FEM1C: variants seen among roughly 807,000 people sequenced by gnomAD.
The protein encoded by FEM1C is protein fem-1 homolog C.
FEM1C carries 15 observed loss-of-function variants against 37.6 expected under a neutral mutation model. The observed-to-expected ratio is 0.40, with a 90% CI of 0.27 to 0.61. The LOEUF is 0.61. Among genes scored for constraint, FEM1C ranks in the 20% least tolerant of loss-of-function variants. FEM1C has a pLI of 0.42. For missense variants in FEM1C, 532 were observed against 749.7 expected, an observed-to-expected ratio of 0.71 and a Z score of 3.39; for synonymous variants, 287 against 272.8, an observed-to-expected ratio of 1.05 and a Z score of -0.51.
chr5:115,530,391 A>G (rs1426815263), intron 2 of FEM1C, among the ~76,000 whole-genome samples: 2 of 152,270 alleles, frequency 1.3e-5, no homozygotes, highest in South Asian at 2.1e-4. Flanking sequence ...TAAGTTACGT[A>G]AAGTAAAAAT....
intron 2 of FEM1C, among the ~76,000 whole-genome samples, chr5:115,538,866 T>A (rs1014881713): frequency 6.6e-6 from 1 of 151,940 alleles, no homozygotes; most frequent in Non-Finnish European, 1.5e-5. Flanking sequence ...CACATCCCAA[T>A]AAACTTTCTG....
In FEM1C at chr5:115,521,110, AATG is replaced by A. The variant is rs1289284891; in HGVS notation, c.*3195_*3197del. ...AAAAAAAAGAAAAAGAAAAAAAGAAAATGATGATGACCAATTAGTTTGTTTCCT... is the reference window on the plus strand; with the variant it reads ...AAAAAAAAGAAAAAGAAAAAAAGAAAATGATGACCAATTAGTTTGTTTCCT... On this transcript the variant is annotated 3_prime_UTR_variant, in exon 3 of 3. Transcript: ENST00000274457. 1 of 151,600 alleles carries A rather than the reference AATG, an allele frequency of 6.6e-6. No homozygotes were observed. Among genetic ancestry groups the A allele is most frequent in the Non-Finnish European group, 1.5e-5 (1 of 67,660 alleles). 9.4% of individuals were successfully genotyped at this position (151,600 alleles called of 1,614,324 possible).
chr5:115,524,235 T>C lies in FEM1C; in HGVS notation c.*73A>G, dbSNP rs1753834851. 1.6e-6 allele frequency: 2 copies of C among 1,243,790 alleles called. No homozygotes were observed. The highest frequency in any genetic ancestry group is 2.3e-6 in the Non-Finnish European group (2 of 861,230). 77.0% of individuals were successfully genotyped at this position (1,243,790 alleles called of 1,614,324 possible). On this transcript the variant is annotated 3_prime_UTR_variant, in exon 3 of 3. Coordinates refer to ENST00000274457, the MANE Select transcript of FEM1C (RefSeq NM_020177.3). ...TCAAGCTAAATGAATGCTGGTGTTA[T>C]CACAACAGTGCTCATTTATGAAACA...
intron 2 of FEM1C, among the ~76,000 whole-genome samples, chr5:115,533,034 T>C (rs998837190): frequency 1.3e-5 from 2 of 152,002 alleles, no homozygotes; most frequent in Non-Finnish European, 2.9e-5. Context: ...TTTTATTGCA[T>C]GTAAATAAGT....
intron 2 of FEM1C, among the ~76,000 whole-genome samples, chr5:115,535,842 G>T (rs1754114330): frequency 2.6e-5 from 4 of 151,980 alleles, no homozygotes; most frequent in Admixed American, 2.0e-4. Context: ...ACTGCTGAAT[G>T]AATAAAAGTG....
At chr5:115,527,443 T>G (rs1396828433) in intron 2 of FEM1C, among the ~76,000 whole-genome samples, 1 of 152,190 alleles carries the variant, frequency 6.6e-6, no homozygotes, top group African/African-American at 2.4e-5. Flanking sequence ...AAATAGTGTT[T>G]GATAAAATGT....
rs377714654 is a variant in FEM1C at position 115,525,210 on chromosome 5, T to C, written c.952A>G (p.Met318Val). 12 of 1,613,542 alleles carry C rather than the reference T, an allele frequency of 7.4e-6. No homozygotes were observed. The highest frequency in any genetic ancestry group is 1.0e-5 in the Non-Finnish European group (12 of 1,179,776). Residue 318 changes from methionine to valine, a missense_variant, in exon 3 of 3, where the codon ATG (methionine) becomes GTG (valine). Transcript: ENST00000274457. ...LEGLIADPDE[M>V]RMQALLIRER... is the part of the protein sequence containing the mutation. Reference sequence around the variant, plus strand: ...CTGATTAATAGTGCCTGCATTCTCATCTCATCAGGATCAGCAATAAGACCT... The same window carrying C: ...CTGATTAATAGTGCCTGCATTCTCACCTCATCAGGATCAGCAATAAGACCT...
At chr5:115,527,204 T>C (rs769583032) in intron 2 of FEM1C, among the ~76,000 whole-genome samples, 1 of 152,120 alleles carries the variant, frequency 6.6e-6, no homozygotes. Flanking sequence ...TATGGTGAGT[T>C]ACTTCCAAAT....
At chr5:115,528,401 G>A (rs940139251) in intron 2 of FEM1C, among the ~76,000 whole-genome samples, 4 of 152,104 alleles carry the variant, frequency 2.6e-5, no homozygotes, top group African/African-American at 7.2e-5. Flanking sequence ...GCCTTGCAGG[G>A]ATAGAGGGGA....
intron 2 of FEM1C, 56 bp downstream of exon 2, chr5:115,542,894 C>G (rs1018487346): frequency 1.3e-6 from 2 of 1,560,224 alleles, no homozygotes; most frequent in African/African-American, 2.7e-5. Context: ...AATGATGTAT[C>G]AAACTTCCTG....
Position 115,543,647 on chromosome 5 carries a change from C to A in FEM1C, c.-154G>T. The A allele has an allele frequency of 7.2e-7, 1 of 1,389,288 alleles. No homozygotes were observed. Among genetic ancestry groups the A allele is most frequent in the South Asian group, 1.7e-5 (1 of 57,152 alleles). The allele number at this position is 1,389,288 out of a possible 1,614,324, so 86.1% of individuals were successfully genotyped here. On this transcript the variant is annotated 5_prime_UTR_variant, in exon 2 of 3. The change creates a new upstream start codon in the 5' untranslated region. Coordinates refer to ENST00000274457, the MANE Select transcript of FEM1C (RefSeq NM_020177.3). ...ACAACCACGAAGAGTATGTTCCGTC[C>A]TACTGCTTTCCAACATCTGACAACC... is the stretch of plus-strand genomic sequence containing the variant.
intron 2 of FEM1C, among the ~76,000 whole-genome samples, chr5:115,527,747 A>C (rs1437384041): frequency 6.6e-6 from 1 of 152,156 alleles, no homozygotes; most frequent in Non-Finnish European, 1.5e-5. Context: ...TCACGCCTGT[A>C]ATCCCAGCAC....
rs1753770127 is a variant in FEM1C at position 115,521,352 on chromosome 5, A to G, written c.*2956T>C. On this transcript the variant is annotated 3_prime_UTR_variant, in exon 3 of 3. Transcript: ENST00000274457. Reference sequence around the variant, plus strand: ...ATAACCTAAACAATTTTCCCAAATAATAGTAGACTGGGGTCTCTATACACA... The same window carrying G: ...ATAACCTAAACAATTTTCCCAAATAGTAGTAGACTGGGGTCTCTATACACA... The G allele has an allele frequency of 6.6e-6, 1 of 151,814 alleles. No homozygotes were observed. The highest frequency in any genetic ancestry group is 2.4e-5 in the African/African-American group (1 of 41,422). 9.4% of individuals were successfully genotyped at this position (151,814 alleles called of 1,614,324 possible). A position where few individuals can be genotyped will look rare whatever the true frequency, so the allele number is the denominator to read the frequency against.
chr5:115,532,447 T>C (rs1438702484), intron 2 of FEM1C, among the ~76,000 whole-genome samples: 1 of 151,902 alleles, frequency 6.6e-6, no homozygotes, highest in Non-Finnish European at 1.5e-5. Context: ...GTTAAGTGTA[T>C]AACCACCACA....
At position 115,524,243 on chromosome 5, in the gene FEM1C, G is replaced by A; in HGVS notation, c.*65C>T. On this transcript the variant is annotated 3_prime_UTR_variant, in exon 3 of 3. Coordinates refer to ENST00000274457, the MANE Select transcript of FEM1C (RefSeq NM_020177.3). Reference sequence around the variant, plus strand: ...AATGAATGCTGGTGTTATCACAACAGTGCTCATTTATGAAACAACTGTTAC... The same window carrying A: ...AATGAATGCTGGTGTTATCACAACAATGCTCATTTATGAAACAACTGTTAC... The A allele has an allele frequency of 1.5e-6, 2 of 1,310,582 alleles. No homozygotes were observed. Among genetic ancestry groups the A allele is most frequent in the Non-Finnish European group, 2.2e-6 (2 of 915,798 alleles). The allele number at this position is 1,310,582 out of a possible 1,614,324, so 81.2% of individuals were successfully genotyped here. A position where few individuals can be genotyped will look rare whatever the true frequency, so the allele number is the denominator to read the frequency against.
intron 2 of FEM1C, among the ~76,000 whole-genome samples, chr5:115,539,437 C>T (rs1334213053): frequency 6.6e-6 from 1 of 152,078 alleles, no homozygotes; most frequent in African/African-American, 2.4e-5. Flanking sequence ...CTCACCTAAT[C>T]ACTACAGATT....
rs1030563222 is a variant in FEM1C, at chr5:115,544,771, G to C, written c.-439C>G. 2 of 152,376 alleles carry C rather than the reference G, an allele frequency of 1.3e-5. No homozygotes were observed. Among genetic ancestry groups the C allele is most frequent in the Non-Finnish European group, 2.9e-5 (2 of 68,130 alleles). 9.4% of individuals were successfully genotyped at this position (152,376 alleles called of 1,614,324 possible). A position where few individuals can be genotyped will look rare whatever the true frequency, so the allele number is the denominator to read the frequency against. On this transcript the variant is annotated 5_prime_UTR_variant, in exon 1 of 3. Coordinates refer to ENST00000274457, the MANE Select transcript of FEM1C (RefSeq NM_020177.3). Reference sequence around the variant, plus strand: ...GGCTGCAGCGACTGCTGCGACGGATGGTGTAATGGGCTGCGAGCCGGGGGC... The same window carrying C: ...GGCTGCAGCGACTGCTGCGACGGATCGTGTAATGGGCTGCGAGCCGGGGGC...
chr5:115,536,633 T>C (rs1406561011), intron 2 of FEM1C, among the ~76,000 whole-genome samples: 2 of 151,862 alleles, frequency 1.3e-5, no homozygotes, highest in Admixed American at 1.3e-4. Context: ...GCTTAGAATG[T>C]TTCCCTTCCC....
At chr5:115,527,756 A>AC (rs1427666893) in intron 2 of FEM1C, among the ~76,000 whole-genome samples, 3 of 152,148 alleles carry the variant, frequency 2.0e-5, no homozygotes, top group Non-Finnish European at 2.9e-5. Context: ...TAATCCCAGC[A>AC]CTTTGGGAGG....
Sources: allele counts gnomAD v4.1 joint callset (sites outside exome capture counted in the v4.1 genomes callset), GRCh38; gene constraint gnomAD v4.1.1; transcripts MANE v1.5; gene names NCBI Gene and HGNC (gene_info 2026-07-23, HGNC 2026-07-21).